The following SLC14A2 variants were observed in gnomAD, a reference collection of about 807,000 sequenced individuals.
The protein encoded by SLC14A2 is urea transporter 2.
SLC14A2 carries 91 observed loss-of-function variants against 104.6 expected under a neutral mutation model. The ratio of observed to expected loss-of-function variants is 0.87; its 90% CI spans 0.73 to 1.04. The LOEUF (loss-of-function observed/expected upper bound fraction) is 1.04, where lower values mean the gene tolerates loss of function less well. SLC14A2 is among the 50% of genes least tolerant of loss of function. The pLI, the probability that SLC14A2 is intolerant of heterozygous loss-of-function variation, is 0.00. For synonymous variants in SLC14A2, 476 were observed against 466.4 expected (o/e 1.02, Z -0.27); for missense variants, 1,189 against 1,156.0 (o/e 1.03, Z -0.41).
At chr18:45,190,416 AAC>A in the SLC14A2 span, among the ~76,000 whole-genome samples, 10 of 152,320 alleles carry the variant, frequency 6.6e-5, no homozygotes, top group East Asian at 1.4e-3. Flanking sequence ...AGATGTTAAA[AAC>A]ACAGTTTCCC....
intron 2 of SLC14A2, among the ~76,000 whole-genome samples, chr18:45,585,923 T>A (rs535896905): frequency 1.3e-5 from 2 of 152,198 alleles, no homozygotes; most frequent in African/African-American, 4.8e-5. Context: ...GTTCCTGTGA[T>A]GCCACCTCGC....
chr18:45,269,314 A>G (rs2084626286), intron 1 of SLC14A2, among the ~76,000 whole-genome samples: 1 of 152,014 alleles, frequency 6.6e-6, no homozygotes, highest in African/African-American at 2.4e-5. Flanking sequence ...ATGTAGAAAA[A>G]CATGATAAGG....
chr18:45,300,625 T>TAA (rs896937609), intron 1 of SLC14A2, among the ~76,000 whole-genome samples: 16 of 152,242 alleles, frequency 1.1e-4, no homozygotes, highest in African/African-American at 3.9e-4. Flanking sequence ...TTTCCATAAA[T>TAA]AAAAATAATT....
chr18:45,421,854 C>T lies in SLC14A2; in HGVS notation c.-124-61379C>T, dbSNP rs187682793. 2.9e-3 allele frequency among the ~76,000 whole-genome samples: 442 copies of T among 152,318 alleles called. 2 individuals carry two copies. Among genetic ancestry groups the T allele is most frequent in the African/African-American group, 9.9e-3 (412 of 41,578 alleles). ...CAATGTGAATCAGCCACTAATCCAA[C>T]GCTGAATGATCATGCCTGGACAAAA... On this transcript the variant is annotated intron_variant, in intron 1 of 20. Transcript: ENST00000586448.
chr18:45,282,448 C>T (rs1050149539), intron 1 of SLC14A2, among the ~76,000 whole-genome samples: 67 of 152,152 alleles, frequency 4.4e-4, no homozygotes, highest in Admixed American at 1.3e-4. Context: ...TACTTTTCCA[C>T]CGCACCAACA....
intron 1 of SLC14A2, among the ~76,000 whole-genome samples, chr18:45,374,601 A>T (rs1272428678): frequency 6.6e-6 from 1 of 151,350 alleles, no homozygotes; most frequent in East Asian, 1.9e-4. Context: ...AGAGGTTCCC[A>T]AGTTTACTGT....
chr18:45,590,543 C>G (rs1047282494), intron 2 of SLC14A2, among the ~76,000 whole-genome samples: 1 of 152,178 alleles, frequency 6.6e-6, no homozygotes, highest in African/African-American at 2.4e-5. Context: ...CAGGAGCTCA[C>G]GTGTGTGTAC....
chr18:45,269,570 T>C (rs1036461498), intron 1 of SLC14A2, among the ~76,000 whole-genome samples: 1 of 151,378 alleles, frequency 6.6e-6, no homozygotes, highest in Non-Finnish European at 1.5e-5. Flanking sequence ...CTTTGACTGA[T>C]GATGAAATAG....
Position 45,578,618 on chromosome 18 carries a change from CAT to C in SLC14A2, c.-34-46011_-34-46010del, listed in dbSNP as rs541013639. On this transcript the variant is annotated intron_variant, in intron 2 of 20. Transcript: ENST00000586448. The stretch of plus-strand genomic sequence containing the variant: ...TTGACTGGCTTTCCATATTGGAATA[CAT>C]ACAATTTTGCCTGAAGGTAGAACTC... Among the ~76,000 whole-genome samples, 1,109 of 152,316 alleles carry C rather than the reference CAT, an allele frequency of 7.3e-3. 8 individuals are homozygous for C. Among genetic ancestry groups the C allele is most frequent in the African/African-American group, 0.025 (1,054 of 41,548 alleles).
At chr18:45,268,730 G>A (rs2084618814) in intron 1 of SLC14A2, among the ~76,000 whole-genome samples, 1 of 149,774 alleles carries the variant, frequency 6.7e-6, no homozygotes. Context: ...GTTGAATGGA[G>A]AAGGGTAGAG....
At chr18:45,501,018 C>T (rs533362882) in intron 2 of SLC14A2, among the ~76,000 whole-genome samples, 2 of 152,240 alleles carry the variant, frequency 1.3e-5, no homozygotes, top group East Asian at 1.9e-4. Flanking sequence ...AGAGAGGAAA[C>T]GGGAGAGAAG....
At chr18:45,351,060 A>T (rs893656396) in intron 1 of SLC14A2, among the ~76,000 whole-genome samples, 1 of 151,924 alleles carries the variant, frequency 6.6e-6, no homozygotes, top group African/African-American at 2.4e-5. Flanking sequence ...TTTCTTCTTG[A>T]TCATTTTCTC....
chr18:45,258,982 C>A (rs2084507842), intron 1 of SLC14A2, among the ~76,000 whole-genome samples: 1 of 152,208 alleles, frequency 6.6e-6, no homozygotes, highest in Non-Finnish European at 1.5e-5. Context: ...AACTACCATT[C>A]TCATTGGAGT....
Position 45,673,003 on chromosome 18 carries a change from T to C in SLC14A2, c.2333T>C (p.Ile778Thr). The C allele has an allele frequency of 1.2e-6, 2 of 1,614,182 alleles. No homozygotes were observed. Among genetic ancestry groups the C allele is most frequent in the Non-Finnish European group, 1.7e-6 (2 of 1,180,012 alleles). ...GCTCTGTTCATATCCTCACCTCTCA[T>C]TTGCTTGCATGCAGCAATTGGATCC... ...LIALFISSPL[I>T]CLHAAIGSTM... The change falls in exon 17 of 20, where the codon ATT becomes ACT. Residue 778 changes from isoleucine (I) to threonine (T), a missense_variant. Transcript: ENST00000255226.
At chr18:45,518,081 T>A (rs2043467923) in intron 2 of SLC14A2, among the ~76,000 whole-genome samples, 1 of 152,206 alleles carries the variant, frequency 6.6e-6, no homozygotes, top group Non-Finnish European at 1.5e-5. Flanking sequence ...GTTTCCTACT[T>A]CATTTTATGG....
Position 45,669,384 on chromosome 18 carries a change from T to C in SLC14A2, c.2115T>C (p.Thr705=). 2 of 1,614,146 alleles carry C rather than the reference T, an allele frequency of 1.2e-6. No individual in the cohort carries two copies. The highest frequency in any genetic ancestry group is 1.7e-6 in the Non-Finnish European group (2 of 1,179,976). ...LPVFTLPFNI[T]VTLYLAATGH... is the part of the protein sequence containing the mutation. The stretch of plus-strand genomic sequence containing the variant: ...TCTTCACACTGCCCTTCAATATCAC[T>C]GTGACTTTGTACCTGGCAGCCACGG... The change falls in exon 16 of 20, where the codon ACT becomes ACC. Residue 705 remains threonine (T), a synonymous_variant. Transcript: ENST00000255226.
At chr18:45,485,535 G>T (rs1447783980) in intron 2 of SLC14A2, among the ~76,000 whole-genome samples, 1 of 152,140 alleles carries the variant, frequency 6.6e-6, no homozygotes, top group African/African-American at 2.4e-5. Flanking sequence ...ATTTCTCCAA[G>T]GAATGTGAGT....
At chr18:45,593,743 C>A (rs942269778) in intron 2 of SLC14A2, among the ~76,000 whole-genome samples, 1 of 152,128 alleles carries the variant, frequency 6.6e-6, no homozygotes, top group East Asian at 1.9e-4. Flanking sequence ...TCCACCTCGG[C>A]CTCCCAAAGT....
At chr18:45,209,178 T>TAAAAAA, upstream of SLC14A2, among the ~76,000 whole-genome samples, 1 of 46,548 alleles carries the variant, frequency 2.1e-5, no homozygotes, top group Non-Finnish European at 4.3e-5. Flanking sequence ...CTATTAAAAA[T>TAAAAAA]ACAAAAAAAA....
Sources: allele counts gnomAD v4.1 joint callset (sites outside exome capture counted in the v4.1 genomes callset), GRCh38; gene constraint gnomAD v4.1.1; transcripts MANE v1.5; gene names NCBI Gene and HGNC (gene_info 2026-07-23, HGNC 2026-07-21).